RAP1GAP2: variants seen among roughly 807,000 people sequenced by gnomAD.
The protein encoded by RAP1GAP2 is RAP1 GTPase activating protein 2.
Under a neutral mutation model 95.0 loss-of-function variants are expected in RAP1GAP2, and 27 were observed. The observed-to-expected ratio is 0.28, with a 90% CI of 0.21 to 0.39. The LOEUF (loss-of-function observed/expected upper bound fraction) is 0.39, where lower values mean the gene tolerates loss of function less well. Among genes scored for constraint, RAP1GAP2 ranks in the 10% least tolerant of loss-of-function variants. The pLI, the probability that RAP1GAP2 is intolerant of heterozygous loss-of-function variation, is 1.00. For synonymous variants in RAP1GAP2, 373 were observed against 380.9 expected (o/e 0.98, Z 0.24); for missense variants, 771 against 970.0 (o/e 0.79, Z 2.72).
At chr17:2,998,628 G>A (rs373190625) in intron 14 of RAP1GAP2, among the ~76,000 whole-genome samples, 11 of 151,880 alleles carry the variant, frequency 7.2e-5, no homozygotes, top group East Asian at 3.9e-4. Flanking sequence ...GGAATTTGGT[G>A]ATGCCATTTG....
intron 2 of RAP1GAP2, among the ~76,000 whole-genome samples, chr17:2,853,505 G>A (rs2071974795): frequency 6.6e-6 from 1 of 150,700 alleles, no homozygotes; most frequent in Non-Finnish European, 1.5e-5. Context: ...GGGACCAGAA[G>A]GAGCGGGCGA....
intron 3 of RAP1GAP2, among the ~76,000 whole-genome samples, chr17:2,930,506 C>T (rs1204130049): frequency 6.6e-6 from 1 of 152,238 alleles, no homozygotes; most frequent in East Asian, 1.9e-4. Flanking sequence ...CCCTGCATTT[C>T]CTACTTCGCA....
chr17:2,812,808 A>G (rs550135048), intron 2 of RAP1GAP2, among the ~76,000 whole-genome samples: 1 of 151,762 alleles, frequency 6.6e-6, no homozygotes, highest in African/African-American at 2.4e-5. Context: ...TGACCAATAT[A>G]ATGAAACCCT....
upstream of RAP1GAP2, among the ~76,000 whole-genome samples, chr17:2,774,940 C>T (rs944589969): frequency 2.6e-5 from 4 of 151,914 alleles, no homozygotes; most frequent in Non-Finnish European, 4.4e-5. Context: ...CCTGCTTCAG[C>T]CTCCTGAGTA....
chr17:3,030,327 T>C (rs959839315), intron 22 of RAP1GAP2, among the ~76,000 whole-genome samples: 1 of 152,136 alleles, frequency 6.6e-6, no homozygotes, highest in Non-Finnish European at 1.5e-5. Flanking sequence ...TCAGTTTTCT[T>C]TTGTGCTATT....
chr17:2,950,439 C>T (rs1414646947), intron 3 of RAP1GAP2, among the ~76,000 whole-genome samples: 1 of 152,054 alleles, frequency 6.6e-6, no homozygotes, highest in East Asian at 1.9e-4. Context: ...GCTAGCCCAC[C>T]TCCAACAGGA....
At chr17:2,818,038 G>A (rs937490417) in intron 2 of RAP1GAP2, among the ~76,000 whole-genome samples, 1 of 151,594 alleles carries the variant, frequency 6.6e-6, no homozygotes, top group Non-Finnish European at 1.5e-5. Context: ...GGGTTTCACT[G>A]TGTTAGCCAG....
At chr17:2,805,919 G>T (rs1217697471) in intron 2 of RAP1GAP2, among the ~76,000 whole-genome samples, 1 of 152,142 alleles carries the variant, frequency 6.6e-6, no homozygotes, top group Non-Finnish European at 1.5e-5. Flanking sequence ...CACTCCTGAG[G>T]GGTGGGGAAG....
In RAP1GAP2 at chr17:2,802,438, G is replaced by A. The variant is rs568940747; in HGVS notation, c.80+1888G>A. Among the ~76,000 whole-genome samples, 242 of 152,310 alleles carry A rather than the reference G, an allele frequency of 1.6e-3. 1 individual carries two copies. The highest frequency in any genetic ancestry group is 0.014 in the Middle Eastern group (4 of 294). The stretch of plus-strand genomic sequence containing the variant: ...GAGCTGATGCCAGGAAGCTGGATGT[G>A]GTGGTTCACGCCTGTAATCCCAGTA... On this transcript the variant is annotated intron_variant, in intron 2 of 24. Transcript: ENST00000254695.
intron 2 of RAP1GAP2, among the ~76,000 whole-genome samples, chr17:2,868,415 C>G (rs141127094): frequency 1.3e-3 from 192 of 152,254 alleles, no homozygotes; most frequent in African/African-American, 4.4e-3. Context: ...GTCGAAACTG[C>G]GGCCCTTGGC....
intron 14 of RAP1GAP2, among the ~76,000 whole-genome samples, chr17:3,002,347 G>A (rs12938338): frequency 0.053 from 8,148 of 152,320 alleles, 270 homozygotes; most frequent in Middle Eastern, 0.085. Context: ...TCCCGGAGGA[G>A]CAGGCTGTGG....
chr17:2,817,015 T>C (rs1597365662), intron 2 of RAP1GAP2, among the ~76,000 whole-genome samples: 2 of 81,738 alleles, frequency 2.4e-5, no homozygotes, highest in South Asian at 8.2e-4. Context: ...TGAGATGGGG[T>C]CTTGCTCTGT....
Position 2,850,191 on chromosome 17 carries a change from G to A in RAP1GAP2, c.80+49641G>A, listed in dbSNP as rs191000562. Reference sequence around the variant, plus strand: ...AATTTTTTGTATTTTTAGTAGAGACGGGGTTTCACCATGTTAGCCAGGATG... The same window carrying A: ...AATTTTTTGTATTTTTAGTAGAGACAGGGTTTCACCATGTTAGCCAGGATG... On this transcript the variant is annotated intron_variant, in intron 2 of 24. Transcript: ENST00000254695. 7.5e-3 allele frequency among the ~76,000 whole-genome samples: 1,132 copies of A among 150,750 alleles called. 6 individuals carry two copies. Among genetic ancestry groups the A allele is most frequent in the Non-Finnish European group, 0.011 (778 of 67,690 alleles).
rs918067654 is a variant in RAP1GAP2, at chr17:2,903,803, C to T, written c.81-1481C>T. On this transcript the variant is annotated intron_variant, in intron 2 of 24. Transcript: ENST00000254695. This position sits in a 1 kb window ranked among gnomAD's most constrained non-coding sequence, Gnocchi z 4.1. ...GGGGCAGGCAGGGGTACACATGACCCAGGCCTAGCCTGGAAGTGTTCTCAG... is the reference window on the plus strand; with the variant it reads ...GGGGCAGGCAGGGGTACACATGACCTAGGCCTAGCCTGGAAGTGTTCTCAG... Among the ~76,000 whole-genome samples the T allele has an allele frequency of 6.6e-6, 1 of 152,184 alleles. No homozygotes were observed. Among genetic ancestry groups the T allele is most frequent in the Non-Finnish European group, 1.5e-5 (1 of 68,032 alleles).
At chr17:2,850,190 C>T (rs893937711) in intron 2 of RAP1GAP2, among the ~76,000 whole-genome samples, 1 of 150,588 alleles carries the variant, frequency 6.6e-6, no homozygotes, top group Non-Finnish European at 1.5e-5. Context: ...TTAGTAGAGA[C>T]GGGGTTTCAC....
Position 2,857,137 on chromosome 17 carries a change from C to T in RAP1GAP2, c.81-48147C>T, listed in dbSNP as rs2072173928. ...TCTCATCACAAGGTGGGGTCAGGCTCAGGCCCCTTCTTCTCCTCCCAGAAG... is the reference window on the plus strand; with the variant it reads ...TCTCATCACAAGGTGGGGTCAGGCTTAGGCCCCTTCTTCTCCTCCCAGAAG... On this transcript the variant is annotated intron_variant, in intron 2 of 24. Transcript: ENST00000254695. This position sits in a 1 kb window ranked among gnomAD's most constrained non-coding sequence, Gnocchi z 4.0. 6.6e-6 allele frequency among the ~76,000 whole-genome samples: 1 copy of T among 152,204 alleles called. No homozygotes were observed. The highest frequency in any genetic ancestry group is 6.5e-5 in the Admixed American group (1 of 15,282).
intron 1 of RAP1GAP2, among the ~76,000 whole-genome samples, chr17:2,763,172 T>A (rs1046933175): frequency 3.3e-5 from 5 of 152,216 alleles, no homozygotes; most frequent in African/African-American, 1.2e-4. Flanking sequence ...CGTTAACAAG[T>A]TGGACTCGTT....
At chr17:2,853,430 C>T (rs961430640) in intron 2 of RAP1GAP2, among the ~76,000 whole-genome samples, 2 of 151,252 alleles carry the variant, frequency 1.3e-5, no homozygotes, top group African/African-American at 4.9e-5. Flanking sequence ...GGGGCCGGGC[C>T]GGGGAGGGCG....
At chr17:2,921,734 A>AGGGCCGTTAAGGTGTCC (rs1567780990) in intron 3 of RAP1GAP2, among the ~76,000 whole-genome samples, 2 of 48,488 alleles carry the variant, frequency 4.1e-5, no homozygotes, top group East Asian at 9.9e-4. Context: ...TTAAGGTGTC[A>AGGGCCGTTAAGGTGTCC]GCAGGACCGT....
Sources: gnomAD v4.1 joint callset for allele counts (sites outside exome capture counted in the v4.1 genomes callset) on GRCh38, gnomAD v4.1.1 for gene constraint, Gnocchi (gnomAD v3.1) non-coding constraint, MANE v1.5 for transcripts, NCBI Gene and HGNC (gene_info 2026-07-23, HGNC 2026-07-21) for gene names.